WDFY4: variants seen among roughly 807,000 people sequenced by gnomAD.
The protein encoded by WDFY4 is WDFY family member 4.
In WDFY4, 169 loss-of-function variants were observed where a neutral mutation model predicts 351.9. The observed-to-expected ratio is 0.48, with a 90% confidence interval of 0.42 to 0.55. The LOEUF (loss-of-function observed/expected upper bound fraction) is 0.55. Among genes scored for constraint, WDFY4 ranks in the 20% least tolerant of loss-of-function variants. The probability of loss-of-function intolerance (pLI) is 0.00; values close to 1 mark genes in which losing one functional copy is unlikely to be tolerated. For missense variants in WDFY4, 3,803 were observed against 3,935.6 expected, an observed-to-expected ratio of 0.97 and a Z score of 0.90; for synonymous variants, 1,622 against 1,574.6, an observed-to-expected ratio of 1.03 and a Z score of -0.71.
At chr10:48,715,321 G>A (rs1784017478) in intron 2 of WDFY4, among the ~76,000 whole-genome samples, 1 of 152,218 alleles carries the variant, frequency 6.6e-6, no homozygotes, top group African/African-American at 2.4e-5. Flanking sequence ...TGAATTTAGG[G>A]GTGTTTTGTC....
intron 19 of WDFY4, among the ~76,000 whole-genome samples, chr10:48,784,367 T>A (rs2066325319): frequency 6.6e-6 from 1 of 152,120 alleles, no homozygotes; most frequent in African/African-American, 2.4e-5. Flanking sequence ...ATATTAGCCA[T>A]TTTGATAGTT....
chr10:48,918,249 G>A (rs960678321), intron 47 of WDFY4, among the ~76,000 whole-genome samples: 2 of 152,290 alleles, frequency 1.3e-5, no homozygotes, highest in East Asian at 1.9e-4. Context: ...TACATTAAGT[G>A]AAAGTGACCT....
chr10:48,687,266 T>TTA (rs1482573163), intron 1 of WDFY4, among the ~76,000 whole-genome samples: 1 of 152,150 alleles, frequency 6.6e-6, no homozygotes, highest in Admixed American at 6.6e-5. Context: ...TTTTTGTCAT[T>TTA]TATATATATA....
At chr10:48,968,739 G>C (rs1012803300) in intron 55 of WDFY4, 22 of 365,754 alleles carry the variant, frequency 6.0e-5, no homozygotes, top group African/African-American at 4.5e-4. Flanking sequence ...ATGAGGTCTG[G>C]GCAGCTCCAA....
chr10:48,718,707 G>A (rs1410515006), intron 2 of WDFY4, among the ~76,000 whole-genome samples: 6 of 152,180 alleles, frequency 3.9e-5, no homozygotes, highest in Admixed American at 2.6e-4. Flanking sequence ...CCTTCTCATC[G>A]CACGACTAGG....
chr10:48,762,775 G>A (rs775013557), intron 13 of WDFY4, among the ~76,000 whole-genome samples: 7 of 152,218 alleles, frequency 4.6e-5, no homozygotes, highest in Non-Finnish European at 1.0e-4. Flanking sequence ...CTCTTTAGCA[G>A]GGCACACAGT....
intron 32 of WDFY4, 132 bp from the exon 33 acceptor site, chr10:48,820,102 C>T: frequency 9.9e-7 from 1 of 1,008,918 alleles, no homozygotes; most frequent in Non-Finnish European, 1.5e-6. Context: ...AAGTTGCTTT[C>T]CTGTGCGGAG....
chr10:48,797,390 T>C (rs2066912105), intron 24 of WDFY4, among the ~76,000 whole-genome samples: 1 of 152,206 alleles, frequency 6.6e-6, no homozygotes. Context: ...GATATATGTT[T>C]ATTATAGAAT....
At chr10:48,931,323 T>A (rs1300797885) in intron 47 of WDFY4, among the ~76,000 whole-genome samples, 2 of 152,182 alleles carry the variant, frequency 1.3e-5, no homozygotes, top group Non-Finnish European at 2.9e-5. Context: ...ATCTGTGAGC[T>A]CTTTATGCTG....
intron 43 of WDFY4, among the ~76,000 whole-genome samples, chr10:48,890,237 C>T (rs2070635826): frequency 6.6e-6 from 1 of 152,208 alleles, no homozygotes; most frequent in African/African-American, 2.4e-5. Flanking sequence ...GTGAACTTTC[C>T]TCACAGTTAA....
intron 39 of WDFY4, among the ~76,000 whole-genome samples, chr10:48,857,256 T>TA (rs546888887): frequency 1.1e-3 from 167 of 151,914 alleles, no homozygotes; most frequent in African/African-American, 3.7e-3. Flanking sequence ...CACAAACTAT[T>TA]AAAAAAAGTG....
At chr10:48,785,978 A>G (rs187734606) in intron 19 of WDFY4, among the ~76,000 whole-genome samples, 1 of 152,296 alleles carries the variant, frequency 6.6e-6, no homozygotes, top group African/African-American at 2.4e-5. Context: ...CTTTCTATCC[A>G]TGAACCTGGT....
intron 11 of WDFY4, among the ~76,000 whole-genome samples, chr10:48,739,870 T>C (rs184094841): frequency 2.2e-4 from 34 of 152,308 alleles, no homozygotes; most frequent in Admixed American, 5.2e-4. Flanking sequence ...TTAAAATATC[T>C]GCTTCAACAC....
At chr10:48,793,659 A>G (rs2066755744) in intron 23 of WDFY4, among the ~76,000 whole-genome samples, 2 of 152,192 alleles carry the variant, frequency 1.3e-5, no homozygotes, top group Non-Finnish European at 1.5e-5. Flanking sequence ...CCCCAGGCAC[A>G]TGCTTCATAA....
chr10:48,776,991 C>T lies in WDFY4; in HGVS notation c.3098+7C>T. ...TGTCCGTGGAAGGTTATGGGTATGA[C>T]AGGCTTTCACATATTTAAAATGCAC... On this transcript the variant is annotated splice_region_variant and intron_variant, in intron 16 of 61. Transcript: ENST00000325239. 6.5e-7 allele frequency: 1 copy of T among 1,542,276 alleles called. No individual in the cohort carries two copies. Among genetic ancestry groups the T allele is most frequent in the Non-Finnish European group, 8.7e-7 (1 of 1,143,046 alleles).
At chr10:48,853,295 C>T (rs958783720) in intron 39 of WDFY4, among the ~76,000 whole-genome samples, 6 of 152,284 alleles carry the variant, frequency 3.9e-5, no homozygotes, top group South Asian at 2.1e-4. Flanking sequence ...AGAGATATCC[C>T]GCTGTGCCAC....
rs1240046876 is a variant in WDFY4 at position 48,915,044 on chromosome 10, T to C, written c.7586+13181T>C. 3.9e-5 allele frequency among the ~76,000 whole-genome samples: 6 copies of C among 152,176 alleles called. No individual in the cohort carries two copies. In the South Asian group the frequency reaches 1.2e-3, roughly 32 times the overall value. On this transcript the variant is annotated intron_variant, in intron 47 of 61. Coordinates refer to ENST00000325239, the MANE Select transcript of WDFY4 (RefSeq NM_001394531.1). ...ATGTGATGTGATGGGGATTCTGGCT[T>C]CTGCATGCTTGGCTTAGAAGTCCAG...
intron 54 of WDFY4, 55 bp from the exon 55 acceptor site, chr10:48,966,471 G>A (rs986584110): frequency 3.0e-5 from 45 of 1,518,378 alleles, no homozygotes; most frequent in South Asian, 2.4e-4. Flanking sequence ...GCACAGGGAC[G>A]ACCCCTCCTC....
In WDFY4 at chr10:48,729,445, AC is replaced by A; in HGVS notation, c.988del (p.Gln330ArgfsTer18). The A allele has an allele frequency of 6.4e-7, 1 of 1,550,972 alleles. No homozygotes were observed. The highest frequency in any genetic ancestry group is 8.7e-7 in the Non-Finnish European group (1 of 1,146,990). On this transcript the variant is annotated frameshift_variant, in exon 8 of 62. Coordinates refer to ENST00000325239, the MANE Select transcript of WDFY4 (RefSeq NM_001394531.1). LOFTEE classifies it high-confidence loss of function. Reference sequence around the variant, plus strand: ...CTGTTCCCCCAGGTATGATGGGCTGACCCAGAGCGAAGTGGACCCGCATCTG... The same window carrying A: ...CTGTTCCCCCAGGTATGATGGGCTGACCAGAGCGAAGTGGACCCGCATCTG... ...LKVLLRYDGL[T>X]QSEVDPHLEE...
Sources: allele counts gnomAD v4.1 joint callset (sites outside exome capture counted in the v4.1 genomes callset), GRCh38; gene constraint gnomAD v4.1.1; transcripts MANE v1.5; gene names NCBI Gene and HGNC (gene_info 2026-07-23, HGNC 2026-07-21).